DMXL1: variants seen among roughly 807,000 people sequenced by gnomAD.
DMXL1 encodes the protein dmX-like protein 1.
A neutral mutation model predicts 319.2 loss-of-function variants in DMXL1; 99 were observed. The ratio of observed to expected loss-of-function variants is 0.31; its 90% CI spans 0.26 to 0.37. DMXL1 has a LOEUF of 0.37. Among genes scored for constraint, DMXL1 ranks in the 10% least tolerant of loss-of-function variants. The pLI, the probability that DMXL1 is intolerant of heterozygous loss-of-function variation, is 1.00. For synonymous variants in DMXL1, 1,385 were observed against 1,235.2 expected (o/e 1.12, Z -2.54); for missense variants, 3,745 against 3,595.6 (o/e 1.04, Z -1.06).
chr5:119,083,142 C>CT (rs1752597901), intron 1 of DMXL1, among the ~76,000 whole-genome samples: 1 of 151,950 alleles, frequency 6.6e-6, no homozygotes, highest in Non-Finnish European at 1.5e-5. Context: ...TCCCCAGTAG[C>CT]TGTGATTACA....
chr5:119,236,897 A>G (rs973808815), intron 39 of DMXL1: 1 of 151,952 alleles, frequency 6.6e-6, no homozygotes, highest in Non-Finnish European at 1.5e-5. Flanking sequence ...GATAATCCTT[A>G]TATCATTTTA....
In DMXL1 at chr5:119,189,794, C is replaced by G. The variant is rs1374124158; in HGVS notation, c.7222C>G (p.Pro2408Ala). 1.2e-6 allele frequency: 2 copies of G among 1,614,100 alleles called. No individual in the cohort carries two copies. The highest frequency in any genetic ancestry group is 3.3e-5 in the Admixed American group (2 of 60,028). The change falls in exon 29 of 44, where the codon CCT (proline) becomes GCT (alanine). Residue 2408 changes from proline to alanine, a missense_variant. By Grantham distance (27) the Pro-to-Ala change is conservative. Transcript: ENST00000539542. ...MSCRESAPLT[P>A]SSAPVSQESL... is the part of the protein sequence containing the mutation. ...TTGCAGAGAATCTGCCCCACTGACC[C>G]CTTCCTCGGCACCAGTAAGCCAGGA... is the stretch of plus-strand genomic sequence containing the variant.
intron 10 of DMXL1, 28 bp downstream of exon 10, chr5:119,129,451 A>G (rs751486964): frequency 7.8e-6 from 12 of 1,532,462 alleles, no homozygotes; most frequent in South Asian, 7.3e-5. Context: ...AGGAAAATTT[A>G]AAGTTTTGCT....
chr5:119,211,523 A>G (rs983653087), intron 34 of DMXL1, among the ~76,000 whole-genome samples: 4 of 152,202 alleles, frequency 2.6e-5, no homozygotes, highest in African/African-American at 9.6e-5. Flanking sequence ...CCCTATTAAA[A>G]TATGTGTAGA....
Position 119,171,740 on chromosome 5 carries a change from A to G in DMXL1, c.6490-38A>G, listed in dbSNP as rs754487327. The G allele has an allele frequency of 1.4e-5, 22 of 1,527,910 alleles. No homozygotes were observed. The East Asian group carries it at 5.1e-4, about 35-fold the overall frequency. 94.6% of individuals were successfully genotyped at this position (1,527,910 alleles called of 1,614,324 possible). On this transcript the variant is annotated intron_variant, in intron 24 of 43. Coordinates refer to ENST00000539542, the MANE Select transcript of DMXL1 (RefSeq NM_001290321.3). ...ACTGAAGTAATGGTTTGTAACTGTAAATAGTTGGTTAACCTTTTATCCCTC... is the reference window on the plus strand; with the variant it reads ...ACTGAAGTAATGGTTTGTAACTGTAGATAGTTGGTTAACCTTTTATCCCTC...
intron 28 of DMXL1, among the ~76,000 whole-genome samples, chr5:119,185,721 T>C (rs1777593229): frequency 6.6e-6 from 1 of 151,498 alleles, no homozygotes; most frequent in African/African-American, 2.5e-5. Context: ...CTGGCTGGTC[T>C]CAAACTCCTG....
chr5:119,220,903 A>T (rs376822486), intron 36 of DMXL1, 37 bp from the exon 37 acceptor site: 73 of 1,593,168 alleles, frequency 4.6e-5, no homozygotes, highest in Non-Finnish European at 5.6e-5. Context: ...GAAAGAAATG[A>T]TGAGTTGTTT....
chr5:119,076,008 T>C (rs1750770159), intron 1 of DMXL1, among the ~76,000 whole-genome samples: 1 of 152,232 alleles, frequency 6.6e-6, no homozygotes, highest in Non-Finnish European at 1.5e-5. Flanking sequence ...CTTTTTCTTT[T>C]GTGGTTTATC....
At chr5:119,135,582 G>A (rs73242938) in intron 13 of DMXL1, among the ~76,000 whole-genome samples, 4,693 of 152,208 alleles carry the variant, frequency 0.031, 234 homozygotes, top group African/African-American at 0.11. Context: ...TACTTCCCAC[G>A]TGTTGAGGGA....
intron 37 of DMXL1, among the ~76,000 whole-genome samples, chr5:119,223,057 GTTTT>G (rs35683993): frequency 8.1e-6 from 1 of 123,428 alleles, no homozygotes. Flanking sequence ...ACTTAGTTGT[GTTTT>G]TTTTTTTTTT....
Position 119,149,236 on chromosome 5 carries a change from A to C in DMXL1, c.3409A>C (p.Lys1137Gln). The change falls in exon 18 of 44, where the codon AAG becomes CAG. Residue 1137 changes from lysine (K) to glutamine (Q), a missense_variant. By Grantham distance (53) the Lys-to-Gln change is moderately conservative. Coordinates refer to ENST00000539542, the MANE Select transcript of DMXL1 (RefSeq NM_001290321.3). ...TAAAGAGAATATCACATCAAACACAAAGCATTTAGTTCACTTAGATTGGAT... is the reference window on the plus strand; with the variant it reads ...TAAAGAGAATATCACATCAAACACACAGCATTTAGTTCACTTAGATTGGAT... ...SSKENITSNTKHLVHLDWMSR... is the reference protein window; with the variant it reads ...SSKENITSNTQHLVHLDWMSR... 5 of 1,613,944 alleles carry C rather than the reference A, an allele frequency of 3.1e-6. No homozygotes were observed. Among genetic ancestry groups the C allele is most frequent in the Non-Finnish European group, 4.2e-6 (5 of 1,179,884 alleles).
In DMXL1 at chr5:119,151,884, A is replaced by G. The variant is rs1488241729; in HGVS notation, c.4595-45A>G. On this transcript the variant is annotated intron_variant, in intron 18 of 43. Coordinates refer to ENST00000539542, the MANE Select transcript of DMXL1 (RefSeq NM_001290321.3). The stretch of plus-strand genomic sequence containing the variant: ...GCCTATATTGGGTGTTCTTTTGCTT[A>G]CAATTTTTTTTTTAATACATTGCTT... The G allele has an allele frequency of 3.0e-6, 4 of 1,342,528 alleles. No homozygotes were observed. In the South Asian group the frequency reaches 4.8e-5, roughly 16 times the overall value. The allele number at this position is 1,342,528 out of a possible 1,614,324, so 83.2% of individuals were successfully genotyped here. A position where few individuals can be genotyped will look rare whatever the true frequency, so the allele number is the denominator to read the frequency against.
At position 119,147,295 on chromosome 5, in the gene DMXL1, A is replaced by G; in HGVS notation, c.2736A>G (p.Glu912=). The change falls in exon 17 of 44, where the codon GAA becomes GAG. Residue 912 remains glutamate, a synonymous_variant. Transcript: ENST00000539542. ...TATCCGAAGCGGTTTGGCAGCCAGA[A>G]GAACATTATTCTTCTTCTCCAGAGA... is the stretch of plus-strand genomic sequence containing the variant. ...TKLSEAVWQP[E]EHYSSSPEKI... is the part of the protein sequence containing the mutation. 6.2e-7 allele frequency: 1 copy of G among 1,613,568 alleles called. No homozygotes were observed. The highest frequency in any genetic ancestry group is 8.5e-7 in the Non-Finnish European group (1 of 1,179,730).
rs1773560217 is a variant in DMXL1 at position 119,166,987 on chromosome 5, T to G, written c.5136+206T>G. ...TTATACAGAATTAAGATTAACCAAA[T>G]GGTGTTTGTTAGTTGGTAGAGATAG... On this transcript the variant is annotated intron_variant, in intron 22 of 43. Transcript: ENST00000539542. Among the ~76,000 whole-genome samples the G allele has an allele frequency of 2.6e-5, 4 of 152,292 alleles. No homozygotes were observed. In the South Asian group the frequency reaches 8.3e-4, roughly 32 times the overall value.
Position 119,170,702 on chromosome 5 carries a change from G to A in DMXL1, c.5911G>A (p.Asp1971Asn), listed in dbSNP as rs574317442. ...CTCTTTAGAGTTAAAATGGGACAGT[G>A]ATAATGATGAAGAAAATGAGGATGT... ...DDSLELKWDS[D>N]NDEENEDVPI... The change falls in exon 24 of 44, where the codon GAT becomes AAT. Residue 1971 changes from aspartate to asparagine, a missense_variant. Asp to Asn is a conservative substitution (Grantham distance 23). Transcript: ENST00000539542. 4 of 1,613,302 alleles carry A rather than the reference G, an allele frequency of 2.5e-6. No individual in the cohort carries two copies. In the East Asian group the frequency reaches 6.7e-5, roughly 27 times the overall value.
intron 1 of DMXL1, among the ~76,000 whole-genome samples, chr5:119,094,220 A>C (rs1023957626): frequency 6.6e-6 from 1 of 152,238 alleles, no homozygotes; most frequent in Admixed American, 6.5e-5. Flanking sequence ...TCAAAGCTTC[A>C]AAGGACAGGC....
chr5:119,116,027 T>C (rs1760761491), intron 6 of DMXL1, 131 bp from the exon 7 acceptor site: 1 of 779,438 alleles, frequency 1.3e-6, no homozygotes, highest in Non-Finnish European at 2.0e-6. Context: ...ATTTTCTTAA[T>C]TCCTCTGTGC....
chr5:119,088,505 G>A (rs1349273891), intron 1 of DMXL1, among the ~76,000 whole-genome samples: 1 of 152,138 alleles, frequency 6.6e-6, no homozygotes. Flanking sequence ...AGTATTATTG[G>A]TAAGTAAGGA....
chr5:119,202,574 A>G (rs1780894898), intron 32 of DMXL1, among the ~76,000 whole-genome samples: 1 of 151,958 alleles, frequency 6.6e-6, no homozygotes, highest in African/African-American at 2.4e-5. Context: ...TAAAAATATA[A>G]TTTCTCACCT....
Sources: allele counts gnomAD v4.1 joint callset (sites outside exome capture counted in the v4.1 genomes callset), GRCh38; gene constraint gnomAD v4.1.1; transcripts MANE v1.5; gene names NCBI Gene and HGNC (gene_info 2026-07-23, HGNC 2026-07-21).